The following RAD54B variants were observed in gnomAD, a reference collection of about 807,000 sequenced individuals.
The protein encoded by RAD54B is RAD54 homolog B.
In RAD54B, 78 loss-of-function variants were observed where a neutral mutation model predicts 95.8. The ratio of observed to expected loss-of-function variants is 0.81; its 90% confidence interval spans 0.68 to 0.98. The LOEUF is 0.98. RAD54B is among the 50% of genes least tolerant of loss of function. RAD54B has a pLI of 0.00. For missense variants in RAD54B, 957 were observed against 1,056.6 expected (o/e 0.91, Z 1.31); for synonymous variants, 328 against 354.9 (o/e 0.92, Z 0.85).
Position 94,372,156 on chromosome 8 carries a change from G to C in RAD54B, c.*14C>G, listed in dbSNP as rs1216576207. On this transcript the variant is annotated 3_prime_UTR_variant, in exon 15 of 15. Coordinates refer to ENST00000336148, the MANE Select transcript of RAD54B (RefSeq NM_012415.3). The stretch of plus-strand genomic sequence containing the variant: ...TCAAAAGAAGAGCAATGGAATGTCA[G>C]AAGTAATCTTTCACTATGTGCCAGT... 1 of 1,584,410 alleles carries C rather than the reference G, an allele frequency of 6.3e-7. No individual in the cohort carries two copies. Among genetic ancestry groups the C allele is most frequent in the Middle Eastern group, 1.8e-4 (1 of 5,444 alleles).
chr8:94,431,109 C>T (rs1256019047), intron 3 of RAD54B: 1 of 967,256 alleles, frequency 1.0e-6, no homozygotes. Context: ...AAGTAACATA[C>T]ATATTAGAGA....
At chr8:94,453,757 G>GT (rs1054892817) in intron 3 of RAD54B, among the ~76,000 whole-genome samples, 8 of 152,108 alleles carry the variant, frequency 5.3e-5, no homozygotes, top group Non-Finnish European at 1.2e-4. Flanking sequence ...AGACAGCTAT[G>GT]TAACAGGGAA....
At chr8:94,445,451 T>C (rs1451488497) in intron 3 of RAD54B, among the ~76,000 whole-genome samples, 1 of 152,134 alleles carries the variant, frequency 6.6e-6, no homozygotes, top group Non-Finnish European at 1.5e-5. Context: ...ATTCTCCCTT[T>C]AAAAGGCCCA....
intron 3 of RAD54B, among the ~76,000 whole-genome samples, chr8:94,421,166 G>C (rs1217409869): frequency 1.3e-5 from 2 of 151,968 alleles, no homozygotes; most frequent in Non-Finnish European, 2.9e-5. Context: ...CCTGTTAAAG[G>C]TTACCAGGAA....
chr8:94,381,559 A>G (rs1285931731), intron 11 of RAD54B, among the ~76,000 whole-genome samples: 2 of 152,256 alleles, frequency 1.3e-5, no homozygotes, highest in Non-Finnish European at 2.9e-5. Flanking sequence ...TATGTCCTCA[A>G]ACAAGAGCTA....
In RAD54B at chr8:94,399,498, C is replaced by T. The variant is rs776551512; in HGVS notation, c.1294G>A (p.Glu432Lys). ...GCACTGTTCTTCAAACGATGCCCCT[C>T]GTCACAGATTAGAAGATCAAATTTT... is the stretch of plus-strand genomic sequence containing the variant. ...NIKFDLLICD[E>K]GHRLKNSAIK... is the part of the protein sequence containing the mutation. Residue 432 changes from glutamate to lysine, a missense_variant, in exon 8 of 15, where the codon GAG becomes AAG. Glu to Lys is a moderately conservative substitution (Grantham distance 56). Transcript: ENST00000336148. 1.9e-6 allele frequency: 3 copies of T among 1,613,552 alleles called. No homozygotes were observed. Among genetic ancestry groups the T allele is most frequent in the South Asian group, 1.1e-5 (1 of 91,054 alleles).
chr8:94,448,694 T>TAA (rs112849710), intron 3 of RAD54B, among the ~76,000 whole-genome samples: 2,259 of 138,292 alleles, frequency 0.016, 61 homozygotes, highest in African/African-American at 0.05. Context: ...AATGTTACTT[T>TAA]AAAAAAAAAA....
chr8:94,413,973 T>A (rs1034352438), intron 3 of RAD54B, among the ~76,000 whole-genome samples: 1 of 151,850 alleles, frequency 6.6e-6, no homozygotes, highest in Non-Finnish European at 1.5e-5. Context: ...GTAGCTGAGA[T>A]TACAGGCGCC....
At chr8:94,430,532 C>A in intron 3 of RAD54B, 2 of 820,040 alleles carry the variant, frequency 2.4e-6, no homozygotes, top group Non-Finnish European at 2.9e-6. Flanking sequence ...ATTGCTGACA[C>A]CCCCAGGGTT....
intron 5 of RAD54B, among the ~76,000 whole-genome samples, chr8:94,406,000 T>C (rs1013334431): frequency 2.7e-4 from 13 of 48,308 alleles, no homozygotes; most frequent in African/African-American, 6.5e-4. Context: ...CCTGAAGTGC[T>C]TTTACACACA....
intron 3 of RAD54B, chr8:94,436,691 G>A (rs1045405614): frequency 3.2e-5 from 50 of 1,550,338 alleles, no homozygotes; most frequent in Non-Finnish European, 4.2e-5. Flanking sequence ...CGAGGAGGGC[G>A]GTCTACTCCA....
chr8:94,458,634 A>G (rs1812832218), intron 2 of RAD54B, among the ~76,000 whole-genome samples, 198 bp from the exon 3 acceptor site: 1 of 152,214 alleles, frequency 6.6e-6, no homozygotes, highest in Admixed American at 6.5e-5. Flanking sequence ...TGGGAGGCCG[A>G]GGCGGGTGAA....
chr8:94,467,674 G>T, intron 1 of RAD54B, 119 bp from the exon 2 acceptor site: 1 of 989,370 alleles, frequency 1.0e-6, no homozygotes, highest in Non-Finnish European at 1.4e-6. Context: ...GGGCCTGCCT[G>T]GCCCCCCAAG....
At chr8:94,394,016 A>G (rs1419566638) in intron 8 of RAD54B, 134 bp from the exon 9 acceptor site, 1 of 796,264 alleles carries the variant, frequency 1.3e-6, no homozygotes, top group African/African-American at 1.7e-5. Flanking sequence ...AAATTGCCTA[A>G]AACTAAGAAA....
At position 94,444,887 on chromosome 8, in the gene RAD54B, A is replaced by T. The variant is rs150938483; in HGVS notation, c.304+13381T>A. ...AAGAACCAGAAAGCCACTCCTTTGA[A>T]ATGTAATCATCAGGAAGGTTTGGAT... is the stretch of plus-strand genomic sequence containing the variant. On this transcript the variant is annotated intron_variant, in intron 3 of 14. Transcript: ENST00000336148. Among the ~76,000 whole-genome samples, 1,258 of 152,234 alleles carry T rather than the reference A, an allele frequency of 8.3e-3. 11 individuals are homozygous for T. Among genetic ancestry groups the T allele is most frequent in the African/African-American group, 0.027 (1,134 of 41,534 alleles).
At chr8:94,438,933 A>C (rs1420680938) in intron 3 of RAD54B, among the ~76,000 whole-genome samples, 4 of 152,188 alleles carry the variant, frequency 2.6e-5, no homozygotes, top group Non-Finnish European at 4.4e-5. Context: ...GTCTACAAAA[A>C]ATACAAAAAT....
intron 2 of RAD54B, among the ~76,000 whole-genome samples, chr8:94,464,203 G>C (rs549221733): frequency 6.6e-6 from 1 of 152,252 alleles, no homozygotes; most frequent in East Asian, 1.9e-4. Flanking sequence ...ACCTTGAAAC[G>C]GAGAGATGAT....
At chr8:94,431,019 C>G (rs1389796817) in intron 3 of RAD54B, 2 of 985,232 alleles carry the variant, frequency 2.0e-6, no homozygotes, top group Non-Finnish European at 2.4e-6. Flanking sequence ...CCCTTCACTG[C>G]TGAAATTACA....
chr8:94,406,003 T>TACACACACAC (rs10640285), intron 5 of RAD54B, among the ~76,000 whole-genome samples: 10,191 of 147,964 alleles, frequency 0.069, 384 homozygotes, highest in Non-Finnish European at 0.078. Flanking sequence ...GAAGTGCTTT[T>TACACACACAC]ACACACACAC....
Sources: gnomAD v4.1 joint callset for allele counts (sites outside exome capture counted in the v4.1 genomes callset) on GRCh38, gnomAD v4.1.1 for gene constraint, MANE v1.5 for transcripts, NCBI Gene and HGNC (gene_info 2026-07-23, HGNC 2026-07-21) for gene names.